SKOR1: variants seen among roughly 807,000 people sequenced by gnomAD.
The protein encoded by SKOR1 is SKI family transcriptional corepressor 1, also known as LBX1 corepressor 1.
In SKOR1, 38 loss-of-function variants were observed where a neutral mutation model predicts 72.4. The observed-to-expected ratio is 0.52, with a 90% CI of 0.40 to 0.69. The LOEUF (loss-of-function observed/expected upper bound fraction) is 0.69. Among genes scored for constraint, SKOR1 ranks in the 30% least tolerant of loss-of-function variants. The pLI, the probability that SKOR1 is intolerant of heterozygous loss-of-function variation, is 0.00. For synonymous variants in SKOR1, 642 were observed against 599.4 expected, an observed-to-expected ratio of 1.07 and a Z score of -1.04; for missense variants, 1,320 against 1,343.2, an observed-to-expected ratio of 0.98 and a Z score of 0.27.
chr15:67,833,380 G>T lies in SKOR1; in HGVS notation c.2803+123G>T. 9.8e-7 allele frequency: 1 copy of T among 1,021,138 alleles called. No homozygotes were observed. The highest frequency in any genetic ancestry group is 1.3e-5 in the South Asian group (1 of 74,674). 63.3% of individuals were successfully genotyped at this position (1,021,138 alleles called of 1,614,324 possible). A position where few individuals can be genotyped will look rare whatever the true frequency, so the allele number is the denominator to read the frequency against. On this transcript the variant is annotated intron_variant, in intron 8 of 8. Transcript: ENST00000380035. This position sits in a 1 kb window ranked among gnomAD's most constrained non-coding sequence, Gnocchi z 6.0. Reference sequence around the variant, plus strand: ...TCCACGTGGATCAGGATCTGTGAGGGAGAAAAGTGGGAACTGATTTTAACG... The same window carrying T: ...TCCACGTGGATCAGGATCTGTGAGGTAGAAAAGTGGGAACTGATTTTAACG...
Position 67,832,336 on chromosome 15 carries a change from C to A in SKOR1, c.2650C>A (p.Gln884Lys). The A allele has an allele frequency of 6.2e-7, 1 of 1,614,158 alleles. No individual in the cohort carries two copies. The highest frequency in any genetic ancestry group is 8.5e-7 in the Non-Finnish European group (1 of 1,180,020). The change falls in exon 6 of 9, where the codon CAG becomes AAG. Residue 884 changes from glutamine (Q) to lysine (K), a missense_variant. Physicochemically the swap from Gln to Lys is moderately conservative, Grantham distance 53. Around this residue, in one of 3 missense-constraint regions of SKOR1, gnomAD observed 1,099 missense variants for 1,025.5 expected, o/e 1.07. Transcript: ENST00000380035. The surrounding 1 kb of genome is among the most constrained non-coding windows in gnomAD (Gnocchi z 4.5). ...CCGCAAGAAGCTGGAACGGGAATTT[C>A]AGAGTCTCAAAGGTACCCACTGCCA... is the stretch of plus-strand genomic sequence containing the variant. ...ELRKKLEREF[Q>K]SLKDNFQDQM... is the part of the protein sequence containing the mutation.
At chr15:67,830,061 G>A (rs770198356) in intron 3 of SKOR1, 130 bp from the exon 4 acceptor site, 20 of 891,378 alleles carry the variant, frequency 2.2e-5, no homozygotes, top group Non-Finnish European at 3.1e-5. Flanking sequence ...GCTCCTGGGC[G>A]CACAGCCGGG....
chr15:67,832,407 C>A lies in SKOR1; in HGVS notation c.2662+59C>A, dbSNP rs2091015227. 3 of 1,572,526 alleles carry A rather than the reference C, an allele frequency of 1.9e-6. No homozygotes were observed. In the Admixed American group the frequency reaches 5.1e-5, roughly 27 times the overall value. On this transcript the variant is annotated intron_variant, in intron 6 of 8. Coordinates refer to ENST00000380035, the MANE Select transcript of SKOR1 (RefSeq NM_001365915.1). This position sits in a 1 kb window ranked among gnomAD's most constrained non-coding sequence, Gnocchi z 4.5. ...TCACCGAGCCTTCCACCAGGGTGCC[C>A]CGACCTACTCCGAAAGCCGGGTGCC...
chr15:67,830,630 G>T (rs1279171003), intron 4 of SKOR1, among the ~76,000 whole-genome samples, 188 bp from the exon 5 acceptor site: 1 of 152,060 alleles, frequency 6.6e-6, no homozygotes, highest in African/African-American at 2.4e-5. Flanking sequence ...CTCCTCCAGG[G>T]GTCACTCTCC....
In SKOR1 at chr15:67,833,290, T is replaced by A; in HGVS notation, c.2803+33T>A. ...AGCCGGGAAACAAAGATAGGAGGGG[T>A]GCTGGGTGCCGGCCGTGCTGTCGAC... On this transcript the variant is annotated intron_variant, in intron 8 of 8. Transcript: ENST00000380035. The surrounding 1 kb of genome is among the most constrained non-coding windows in gnomAD (Gnocchi z 6.0). The A allele has an allele frequency of 6.2e-7, 1 of 1,610,886 alleles. No individual in the cohort carries two copies. Among genetic ancestry groups the A allele is most frequent in the African/African-American group, 1.3e-5 (1 of 74,886 alleles).
Position 67,832,385 on chromosome 15 carries a change from C to T in SKOR1, c.2662+37C>T. 3 of 1,608,748 alleles carry T rather than the reference C, an allele frequency of 1.9e-6. No individual in the cohort carries two copies. The highest frequency in any genetic ancestry group is 1.7e-6 in the Non-Finnish European group (2 of 1,175,638). On this transcript the variant is annotated intron_variant, in intron 6 of 8. Transcript: ENST00000380035. The surrounding 1 kb of genome is among the most constrained non-coding windows in gnomAD (Gnocchi z 4.5). ...CATCCTGCCTCACCCCACCTCATCACCGAGCCTTCCACCAGGGTGCCCCGA... is the reference window on the plus strand; with the variant it reads ...CATCCTGCCTCACCCCACCTCATCATCGAGCCTTCCACCAGGGTGCCCCGA...
rs753517823 is a variant in SKOR1 at position 67,825,696 on chromosome 15, C to A, written c.94C>A (p.Arg32=). Residue 32 remains arginine (R), a synonymous_variant, in exon 1 of 9, where the codon CGG becomes AGG. Transcript: ENST00000380035. This position sits in a 1 kb window ranked among gnomAD's most constrained non-coding sequence, Gnocchi z 5.6. ...AAACGGGATTGGGTTCCTTGCAGCC[C>A]GGGCATTCCTGAGGTCTCCTTTACC... ...SENGIGFLAA[R]AFLRSGGMEA... is the part of the protein sequence containing the mutation. 18 of 747,990 alleles carry A rather than the reference C, an allele frequency of 2.4e-5. No homozygotes were observed. Among genetic ancestry groups the A allele is most frequent in the Non-Finnish European group, 4.1e-5 (17 of 412,210 alleles). 46.3% of individuals were successfully genotyped at this position (747,990 alleles called of 1,614,324 possible). A position where few individuals can be genotyped will look rare whatever the true frequency, so the allele number is the denominator to read the frequency against.
In SKOR1 at chr15:67,834,537, T is replaced by TTAATAATAA. The variant is rs3083918; in HGVS notation, c.*717_*725dup. 6.4e-4 allele frequency: 96 copies of TTAATAATAA among 149,986 alleles called. No individual in the cohort carries two copies. Among genetic ancestry groups the TTAATAATAA allele is most frequent in the African/African-American group, 1.5e-3 (63 of 40,864 alleles). The allele number at this position is 149,986 out of a possible 1,614,324, so 9.3% of individuals were successfully genotyped here. The stretch of plus-strand genomic sequence containing the variant: ...CACCCTGTACCCGTGACTTTCGTTT[T>TTAATAATAA]TAATAATAATAATAATAATAATAAA... On this transcript the variant is annotated 3_prime_UTR_variant, in exon 9 of 9. Coordinates refer to ENST00000380035, the MANE Select transcript of SKOR1 (RefSeq NM_001365915.1). This position sits in a 1 kb window ranked among gnomAD's most constrained non-coding sequence, Gnocchi z 5.8.
At chr15:67,830,142 G>T (rs1248863252) in intron 3 of SKOR1, 49 bp from the exon 4 acceptor site, 3 of 1,591,598 alleles carry the variant, frequency 1.9e-6, no homozygotes, top group Non-Finnish European at 2.6e-6. Context: ...GGCAGTATCC[G>T]GGTCACGGTT....
Position 67,829,122 on chromosome 15 carries a change from T to A in SKOR1, c.2317-57T>A. 2.1e-6 allele frequency: 3 copies of A among 1,459,644 alleles called. No individual in the cohort carries two copies. The South Asian group carries it at 3.9e-5, about 19-fold the overall frequency. 90.4% of individuals were successfully genotyped at this position (1,459,644 alleles called of 1,614,324 possible). A position where few individuals can be genotyped will look rare whatever the true frequency, so the allele number is the denominator to read the frequency against. ...CTTGGCCGCGGGGTAGGGCTGGGCGTCTTTGGGCCGCCGCAGGGCGCCACC... is the reference window on the plus strand; with the variant it reads ...CTTGGCCGCGGGGTAGGGCTGGGCGACTTTGGGCCGCCGCAGGGCGCCACC... On this transcript the variant is annotated intron_variant, in intron 2 of 8. Coordinates refer to ENST00000380035, the MANE Select transcript of SKOR1 (RefSeq NM_001365915.1).
Position 67,827,103 on chromosome 15 carries a change from T to G in SKOR1, c.1275T>G (p.Thr425=). ...GCGAGCCAAAGGGCGGTCCTGGCAC[T>G]GGGAGCGGCGGCGGCGGCGCGGGGA... ...GAGEPKGGPG[T]GSGGGGAGTG... The change falls in exon 2 of 9, where the codon ACT becomes ACG. Residue 425 remains threonine (T), a synonymous_variant. Transcript: ENST00000380035. 6.9e-7 allele frequency: 1 copy of G among 1,439,636 alleles called. No homozygotes were observed. Among genetic ancestry groups the G allele is most frequent in the South Asian group, 1.5e-5 (1 of 64,932 alleles). 89.2% of individuals were successfully genotyped at this position (1,439,636 alleles called of 1,614,324 possible).
At position 67,833,614 on chromosome 15, in the gene SKOR1, C is replaced by A; in HGVS notation, c.2804-128C>A. On this transcript the variant is annotated intron_variant, in intron 8 of 8. Transcript: ENST00000380035. This position sits in a 1 kb window ranked among gnomAD's most constrained non-coding sequence, Gnocchi z 6.0. The stretch of plus-strand genomic sequence containing the variant: ...CTTTTGTCCTACCCTCCTGCCTCCT[C>A]CTGATCCGCTCGGTTGAGATTCCCT... 1.0e-6 allele frequency: 1 copy of A among 974,128 alleles called. No individual in the cohort carries two copies. The highest frequency in any genetic ancestry group is 2.4e-5 in the East Asian group (1 of 41,782). The allele number at this position is 974,128 out of a possible 1,614,324, so 60.3% of individuals were successfully genotyped here.
At chr15:67,831,903 C>CCGGGGGGGGCG (rs1476265010) in intron 5 of SKOR1, among the ~76,000 whole-genome samples, 5 of 28,758 alleles carry the variant, frequency 1.7e-4, no homozygotes, top group African/African-American at 1.4e-3. Context: ...GGCGGCGGTG[C>CCGGGGGGGGCG]GGGGGGGGGA....
intron 3 of SKOR1, 51 bp from the exon 4 acceptor site, chr15:67,830,140 C>T: frequency 6.3e-7 from 1 of 1,588,978 alleles, no homozygotes; most frequent in Non-Finnish European, 8.6e-7. Context: ...CCGGCAGTAT[C>T]CGGGTCACGG....
chr15:67,831,904 G>T (rs868683802), intron 5 of SKOR1, among the ~76,000 whole-genome samples: 2 of 104,754 alleles, frequency 1.9e-5, no homozygotes, highest in Non-Finnish European at 4.1e-5. Flanking sequence ...GCGGCGGTGC[G>T]GGGGGGGGAG....
rs766982364 is a variant in SKOR1, at chr15:67,826,962, C to A, written c.1134C>A (p.Pro378=). ...GVRSYPVIPV[P]SKGFGLLQKL... ...GAAGCTACCCGGTGATCCCGGTGCC[C>A]AGCAAAGGCTTTGGGCTCCTGCAAA... Residue 378 remains proline (P), a synonymous_variant, in exon 2 of 9, where the codon CCC becomes CCA. Coordinates refer to ENST00000380035, the MANE Select transcript of SKOR1 (RefSeq NM_001365915.1). The A allele has an allele frequency of 4.1e-5, 66 of 1,595,282 alleles. No individual in the cohort carries two copies. Among genetic ancestry groups the A allele is most frequent in the Non-Finnish European group, 5.6e-5 (66 of 1,178,536 alleles).
Position 67,829,275 on chromosome 15 carries a change from G to C in SKOR1, c.2407+6G>C, listed in dbSNP as rs1165657836. On this transcript the variant is annotated splice_donor_region_variant and intron_variant, in intron 3 of 8. Coordinates refer to ENST00000380035, the MANE Select transcript of SKOR1 (RefSeq NM_001365915.1). ...CTGCACCCCCGAGGCCCACGGTAAC[G>C]CCTGTCGCGGCCGCTGGCCACTGTA... The C allele has an allele frequency of 2.0e-6, 3 of 1,537,638 alleles. No individual in the cohort carries two copies. The African/African-American group carries it at 4.1e-5, about 21-fold the overall frequency.
chr15:67,832,353 C>A lies in SKOR1; in HGVS notation c.2662+5C>A. 2 of 1,613,946 alleles carry A rather than the reference C, an allele frequency of 1.2e-6. No individual in the cohort carries two copies. The highest frequency in any genetic ancestry group is 1.7e-6 in the Non-Finnish European group (2 of 1,179,886). On this transcript the variant is annotated splice_donor_5th_base_variant and intron_variant, in intron 6 of 8. Transcript: ENST00000380035. This position sits in a 1 kb window ranked among gnomAD's most constrained non-coding sequence, Gnocchi z 4.5. Reference sequence around the variant, plus strand: ...GGGAATTTCAGAGTCTCAAAGGTACCCACTGCCATCCTGCCTCACCCCACC... The same window carrying A: ...GGGAATTTCAGAGTCTCAAAGGTACACACTGCCATCCTGCCTCACCCCACC...
Position 67,829,212 on chromosome 15 carries a change from A to T in SKOR1, c.2350A>T (p.Ser784Cys). The change falls in exon 3 of 9, where the codon AGC becomes TGC. Residue 784 changes from serine (S) to cysteine (C), a missense_variant. Ser to Cys is a moderately radical substitution (Grantham distance 112, BLOSUM62 -1). This residue lies in a region of SKOR1 where 1,099 missense variants were observed against 1,025.5 expected (regional missense o/e 1.07). Coordinates refer to ENST00000380035, the MANE Select transcript of SKOR1 (RefSeq NM_001365915.1). The stretch of plus-strand genomic sequence containing the variant: ...GCCCGAGAGGGATGAGCACGTGAAG[A>T]GCGCGGCGGTGGCGCTGGGGCCCGC... ...FAPERDEHVKSAAVALGPAAS... is the reference protein window; with the variant it reads ...FAPERDEHVKCAAVALGPAAS... 2 of 1,576,134 alleles carry T rather than the reference A, an allele frequency of 1.3e-6. No individual in the cohort carries two copies. The highest frequency in any genetic ancestry group is 2.3e-5 in the East Asian group (1 of 43,526).
Sources: gnomAD v4.1 joint callset for allele counts (sites outside exome capture counted in the v4.1 genomes callset) on GRCh38, gnomAD v4.1.1 for gene constraint, gnomAD v4.1.1 regional missense constraint, Gnocchi (gnomAD v3.1) non-coding constraint, MANE v1.5 for transcripts, NCBI Gene and HGNC (gene_info 2026-07-23, HGNC 2026-07-21) for gene names.